Variants in CSMD1 observed in about 807,000 individuals in gnomAD.
CSMD1 encodes the protein CUB and Sushi multiple domains 1.
Under a neutral mutation model 417.5 loss-of-function variants are expected in CSMD1, and 213 were observed. The ratio of observed to expected loss-of-function variants is 0.51; its 90% CI spans 0.46 to 0.57. The LOEUF is 0.57. Among genes scored for constraint, CSMD1 ranks in the 20% least tolerant of loss-of-function variants. The probability of loss-of-function intolerance (pLI) is 0.00; values close to 1 mark genes in which losing one functional copy is unlikely to be tolerated. For missense variants in CSMD1, 6,923 were observed against 4,529.7 expected (o/e 1.53, Z -15.17); for synonymous variants, 2,862 against 1,736.8 (o/e 1.65, Z -16.11).
At chr8:4,138,934 G>C (rs188878384) in intron 3 of CSMD1, among the ~76,000 whole-genome samples, 4 of 152,232 alleles carry the variant, frequency 2.6e-5, no homozygotes, top group Non-Finnish European at 5.9e-5. Flanking sequence ...CTATTTATTT[G>C]GAATATTAAC....
intron 1 of CSMD1, among the ~76,000 whole-genome samples, chr8:4,961,447 T>C (rs1330932687): frequency 6.6e-6 from 1 of 152,164 alleles, no homozygotes; most frequent in Non-Finnish European, 1.5e-5. Context: ...CCTCTTCTAG[T>C]TGATTTCCTC....
At chr8:4,195,665 G>C (rs1799293514) in intron 3 of CSMD1, among the ~76,000 whole-genome samples, 1 of 152,174 alleles carries the variant, frequency 6.6e-6, no homozygotes. Context: ...TAGGCATGAT[G>C]AAGCAGAGGC....
intron 47 of CSMD1, among the ~76,000 whole-genome samples, chr8:3,092,742 C>T (rs1375369234): frequency 1.3e-5 from 2 of 152,180 alleles, no homozygotes; most frequent in Non-Finnish European, 1.5e-5. Flanking sequence ...AACCCAAAAC[C>T]ATTTTTCAGG....
intron 1 of CSMD1, among the ~76,000 whole-genome samples, chr8:4,678,317 A>C (rs1340407765): frequency 6.6e-6 from 1 of 152,118 alleles, no homozygotes; most frequent in Non-Finnish European, 1.5e-5. Flanking sequence ...AGGGTGAGGC[A>C]TGAGAATAAC....
At chr8:4,621,914 G>GA (rs141009869) in intron 2 of CSMD1, among the ~76,000 whole-genome samples, 2,506 of 151,452 alleles carry the variant, frequency 0.017, 67 homozygotes, top group African/African-American at 0.058. Flanking sequence ...CATATAAACA[G>GA]AAAAAAAGGC....
At chr8:4,364,057 C>G (rs998834803) in intron 3 of CSMD1, among the ~76,000 whole-genome samples, 1 of 152,130 alleles carries the variant, frequency 6.6e-6, no homozygotes, top group Non-Finnish European at 1.5e-5. Context: ...ATTGAATTGT[C>G]TGTAACAGAA....
intron 5 of CSMD1, among the ~76,000 whole-genome samples, chr8:3,928,482 G>T (rs1809906638): frequency 1.3e-5 from 2 of 151,960 alleles, no homozygotes; most frequent in African/African-American, 2.4e-5. Flanking sequence ...AAATAAAAAT[G>T]CAGTTAAGTG....
intron 3 of CSMD1, among the ~76,000 whole-genome samples, chr8:4,102,305 G>A: frequency 6.6e-6 from 1 of 152,078 alleles, no homozygotes; most frequent in East Asian, 1.9e-4. Flanking sequence ...CATGATCTTA[G>A]CTTTTTCTAT....
chr8:4,937,614 G>C (rs2117220218), intron 1 of CSMD1, among the ~76,000 whole-genome samples: 1 of 152,330 alleles, frequency 6.6e-6, no homozygotes, highest in African/African-American at 2.4e-5. Context: ...CCTTGGCAGT[G>C]TCAGAGTATC....
At chr8:4,030,924 A>G (rs938565682) in intron 4 of CSMD1, among the ~76,000 whole-genome samples, 1 of 152,180 alleles carries the variant, frequency 6.6e-6, no homozygotes, top group African/African-American at 2.4e-5. Context: ...GGCAGGGGCA[A>G]AATGCCATCA....
intron 3 of CSMD1, among the ~76,000 whole-genome samples, chr8:4,096,231 A>G (rs1801001630): frequency 6.6e-6 from 1 of 152,186 alleles, no homozygotes; most frequent in South Asian, 2.1e-4. Context: ...AATAATAATA[A>G]AAAGCAACCG....
At chr8:4,006,296 G>T (rs982259569) in intron 4 of CSMD1, among the ~76,000 whole-genome samples, 4 of 152,112 alleles carry the variant, frequency 2.6e-5, no homozygotes, top group African/African-American at 9.7e-5. Context: ...AAAATGAAAA[G>T]CATTTGGGAG....
At chr8:4,538,691 A>C (rs996892014) in intron 2 of CSMD1, among the ~76,000 whole-genome samples, 2 of 152,180 alleles carry the variant, frequency 1.3e-5, no homozygotes, top group African/African-American at 4.8e-5. Flanking sequence ...ATGTAGTACC[A>C]ACCTGGATAA....
At chr8:4,840,341 A>G (rs1426622938) in intron 1 of CSMD1, among the ~76,000 whole-genome samples, 2 of 152,210 alleles carry the variant, frequency 1.3e-5, no homozygotes, top group African/African-American at 4.8e-5. Flanking sequence ...TGTTATCTGT[A>G]ATGCAATGAT....
intron 3 of CSMD1, among the ~76,000 whole-genome samples, chr8:4,097,123 C>G (rs1050414649): frequency 3.3e-5 from 5 of 152,184 alleles, no homozygotes; most frequent in African/African-American, 4.8e-5. Flanking sequence ...TCTCTGCACT[C>G]TGAGCTGCAA....
Position 4,698,672 on chromosome 8 carries a change from G to A in CSMD1, c.86-61114C>T, listed in dbSNP as rs1807297168. Reference sequence around the variant, plus strand: ...GAAGGGAGAAGACAGGAAGACAGAAGGAAGAAGCCCTCCTCCCTCTGTACG... The same window carrying A: ...GAAGGGAGAAGACAGGAAGACAGAAAGAAGAAGCCCTCCTCCCTCTGTACG... On this transcript the variant is annotated intron_variant, in intron 1 of 69. Coordinates refer to ENST00000635120, the MANE Select transcript of CSMD1 (RefSeq NM_033225.6). Among the ~76,000 whole-genome samples, 3 of 148,996 alleles carry A rather than the reference G, an allele frequency of 2.0e-5. No individual in the cohort carries two copies. In the Admixed American group the frequency reaches 2.0e-4, roughly 10 times the overall value.
At chr8:4,734,936 A>G (rs534671790) in intron 1 of CSMD1, among the ~76,000 whole-genome samples, 97 of 152,256 alleles carry the variant, frequency 6.4e-4, no homozygotes, top group African/African-American at 2.3e-3. Context: ...GCTTTAGCAA[A>G]CTACTCGTTA....
intron 2 of CSMD1, among the ~76,000 whole-genome samples, chr8:4,441,533 T>A (rs982495327): frequency 2.0e-5 from 3 of 152,164 alleles, no homozygotes; most frequent in Non-Finnish European, 4.4e-5. Flanking sequence ...TCAATTTTCA[T>A]GTGCAAAACA....
intron 31 of CSMD1, among the ~76,000 whole-genome samples, chr8:3,203,307 G>C (rs937623290): frequency 1.3e-5 from 2 of 152,068 alleles, no homozygotes; most frequent in African/African-American, 2.4e-5. Flanking sequence ...CCTTCACCTG[G>C]GTTCTAACCC....
Sources: allele counts gnomAD v4.1 joint callset (sites outside exome capture counted in the v4.1 genomes callset), GRCh38; gene constraint gnomAD v4.1.1; transcripts MANE v1.5; gene names NCBI Gene and HGNC (gene_info 2026-07-23, HGNC 2026-07-21).